The following CAP2 variants were observed in gnomAD, a reference collection of about 807,000 sequenced individuals.
CAP2 encodes the protein cyclase associated actin cytoskeleton regulatory protein 2, also known as adenylyl cyclase-associated protein 2.
Under a neutral mutation model 57.7 loss-of-function variants are expected in CAP2, and 24 were observed. The ratio of observed to expected loss-of-function variants is 0.42; its 90% CI spans 0.30 to 0.58. CAP2 has a LOEUF of 0.58. Among genes scored for constraint, CAP2 ranks in the 20% least tolerant of loss-of-function variants. The pLI is 0.22. For missense variants in CAP2, 501 were observed against 590.3 expected, an observed-to-expected ratio of 0.85 and a Z score of 1.57; for synonymous variants, 194 against 207.2, an observed-to-expected ratio of 0.94 and a Z score of 0.55.
At chr6:17,507,805 C>T (rs1366002950) in intron 6 of CAP2, 79 bp downstream of exon 6, 13 of 774,706 alleles carry the variant, frequency 1.7e-5, no homozygotes, top group South Asian at 1.5e-4. Flanking sequence ...GTCCAGTTAA[C>T]TACTGATTCC....
At chr6:17,399,321 C>T (rs1011628501) in intron 1 of CAP2, among the ~76,000 whole-genome samples, 2 of 152,156 alleles carry the variant, frequency 1.3e-5, no homozygotes, top group African/African-American at 2.4e-5. Flanking sequence ...CCTAGGTCTC[C>T]CAAAGTGCTG....
At chr6:17,485,139 C>T (rs1040329071) in intron 4 of CAP2, among the ~76,000 whole-genome samples, 1 of 151,524 alleles carries the variant, frequency 6.6e-6, no homozygotes, top group Non-Finnish European at 1.5e-5. Context: ...ACTAGATTCC[C>T]AGTCCTGGGT....
chr6:17,467,114 T>C (rs1446422831), intron 4 of CAP2, among the ~76,000 whole-genome samples: 1 of 152,182 alleles, frequency 6.6e-6, no homozygotes, highest in Non-Finnish European at 1.5e-5. Flanking sequence ...TGACCACTCT[T>C]GCTGCCACAG....
At chr6:17,554,928 G>A (rs1463158604) in intron 12 of CAP2, among the ~76,000 whole-genome samples, 1 of 152,184 alleles carries the variant, frequency 6.6e-6, no homozygotes, top group East Asian at 1.9e-4. Context: ...ATTATTCTTT[G>A]TCTGTACGTG....
At chr6:17,444,868 G>A (rs1298270942) in intron 3 of CAP2, among the ~76,000 whole-genome samples, 1 of 147,174 alleles carries the variant, frequency 6.8e-6, no homozygotes, top group African/African-American at 2.5e-5. Context: ...TTTTATCACA[G>A]CTGTGACAGT....
At chr6:17,497,521 A>T (rs1052239738) in intron 4 of CAP2, among the ~76,000 whole-genome samples, 5 of 152,252 alleles carry the variant, frequency 3.3e-5, no homozygotes, top group African/African-American at 1.2e-4. Flanking sequence ...TTTTCTCTCC[A>T]AAACGTCTGG....
intron 4 of CAP2, among the ~76,000 whole-genome samples, chr6:17,484,977 A>G (rs543639731): frequency 6.6e-6 from 1 of 152,346 alleles, no homozygotes; most frequent in East Asian, 1.9e-4. Context: ...ATTCTCTGAA[A>G]TGATTCCAAA....
chr6:17,546,004 T>C lies in CAP2; in HGVS notation c.1209+2861T>C, dbSNP rs1333552070. Reference sequence around the variant, plus strand: ...TGCGAATAGTGCCGCAATAAACATATGTGTGCATGTGTCTTTATAGCAGCA... The same window carrying C: ...TGCGAATAGTGCCGCAATAAACATACGTGTGCATGTGTCTTTATAGCAGCA... On this transcript the variant is annotated intron_variant, in intron 11 of 12. Coordinates refer to ENST00000229922, the MANE Select transcript of CAP2 (RefSeq NM_006366.3). Among the ~76,000 whole-genome samples the C allele has an allele frequency of 9.2e-5, 14 of 152,312 alleles. No homozygotes were observed. In the East Asian group the frequency reaches 2.3e-3, roughly 25 times the overall value.
At chr6:17,543,911 G>A (rs538335880) in intron 11 of CAP2, among the ~76,000 whole-genome samples, 42 of 152,194 alleles carry the variant, frequency 2.8e-4, no homozygotes, top group Admixed American at 9.8e-4. Context: ...GATCACCTGA[G>A]GTCAGGAGTT....
intron 3 of CAP2, among the ~76,000 whole-genome samples, chr6:17,429,942 T>C (rs1759684690): frequency 6.6e-6 from 1 of 152,154 alleles, no homozygotes. Context: ...GAAGTGGGGG[T>C]TGAACTTTAT....
At chr6:17,394,210 C>G (rs2223633) in intron 1 of CAP2, among the ~76,000 whole-genome samples, 37,619 of 151,242 alleles carry the variant, frequency 0.25, 4,899 homozygotes, top group South Asian at 0.35. Flanking sequence ...AGAGCCACCT[C>G]GATCAGAAAG....
chr6:17,510,634 G>A (rs984978729), intron 6 of CAP2, among the ~76,000 whole-genome samples: 1 of 152,186 alleles, frequency 6.6e-6, no homozygotes, highest in South Asian at 2.1e-4. Flanking sequence ...GCATGAGAAA[G>A]GCATCAGAAA....
chr6:17,413,457 G>A (rs1393580924), intron 1 of CAP2, among the ~76,000 whole-genome samples: 1 of 152,166 alleles, frequency 6.6e-6, no homozygotes, highest in Non-Finnish European at 1.5e-5. Flanking sequence ...TGGCTTGACT[G>A]AGCAGGGTTT....
At chr6:17,459,900 T>C (rs1416335652) in intron 3 of CAP2, among the ~76,000 whole-genome samples, 2 of 152,124 alleles carry the variant, frequency 1.3e-5, no homozygotes, top group Admixed American at 1.3e-4. Flanking sequence ...AGGATAATAA[T>C]TGGGTCCCTG....
chr6:17,530,331 T>C (rs1042754376), intron 7 of CAP2, among the ~76,000 whole-genome samples: 2 of 152,146 alleles, frequency 1.3e-5, no homozygotes, highest in African/African-American at 4.8e-5. Flanking sequence ...CCCTTCCACC[T>C]CAGCCTCCCA....
intron 3 of CAP2, among the ~76,000 whole-genome samples, chr6:17,434,343 C>T (rs954977383): frequency 1.2e-4 from 18 of 151,808 alleles, no homozygotes; most frequent in Non-Finnish European, 4.4e-5. Flanking sequence ...ATTGGCCTGC[C>T]TTAGCCTCCT....
At chr6:17,508,414 A>G (rs1339496925) in intron 6 of CAP2, among the ~76,000 whole-genome samples, 2 of 152,244 alleles carry the variant, frequency 1.3e-5, no homozygotes, top group African/African-American at 4.8e-5. Flanking sequence ...AGAAATATCC[A>G]GGAAAATGTG....
rs114515754 is a variant in CAP2, at chr6:17,468,096, G to A, written c.300+5023G>A. Among the ~76,000 whole-genome samples the A allele has an allele frequency of 4.4e-3, 663 of 151,930 alleles. 3 individuals carry two copies. Among genetic ancestry groups the A allele is most frequent in the Middle Eastern group, 0.017 (5 of 294 alleles). Reference sequence around the variant, plus strand: ...CCTTTCTGTGCCTGGCTTATTTCACGTAACATAACAATCTCCAGTTCTATC... The same window carrying A: ...CCTTTCTGTGCCTGGCTTATTTCACATAACATAACAATCTCCAGTTCTATC... On this transcript the variant is annotated intron_variant, in intron 4 of 12. Transcript: ENST00000229922.
rs762359662 is a variant in CAP2, at chr6:17,507,311, T to G, written c.443T>G (p.Val148Gly). The change falls in exon 5 of 13, where the codon GTG becomes GGG. Residue 148 changes from valine (V) to glycine (G), a missense_variant and splice_region_variant. Physicochemically the swap from Val to Gly is moderately radical, Grantham distance 109 (BLOSUM62 -3). Transcript: ENST00000229922. ...ATCCCTGCCCTTGGATGGATAGCTG[T>G]GGTGAGTCCAGGTGCAATGTTGCCT... ...ESIPALGWIA[V>G]SPKPGPYVKE... The G allele has an allele frequency of 1.2e-6, 2 of 1,614,008 alleles. No individual in the cohort carries two copies. The highest frequency in any genetic ancestry group is 2.7e-5 in the African/African-American group (2 of 74,940).
Sources: allele counts gnomAD v4.1 joint callset (sites outside exome capture counted in the v4.1 genomes callset), GRCh38; gene constraint gnomAD v4.1.1; transcripts MANE v1.5; gene names NCBI Gene and HGNC (gene_info 2026-07-23, HGNC 2026-07-21).